FOXP1: variants seen among roughly 807,000 people sequenced by gnomAD.
FOXP1 encodes the protein forkhead box protein P1.
Under a neutral mutation model 98.2 loss-of-function variants are expected in FOXP1, and 15 were observed. That is an observed-to-expected ratio of 0.15 (90% CI 0.10 to 0.24). The LOEUF (loss-of-function observed/expected upper bound fraction) is 0.24. Ranked by LOEUF, FOXP1 falls within the 10% of genes least tolerant of loss-of-function variation. The probability of loss-of-function intolerance (pLI) is 1.00; values close to 1 mark genes in which losing one functional copy is unlikely to be tolerated. For synonymous variants in FOXP1, 371 were observed against 314.5 expected (o/e 1.18, Z -1.90); for missense variants, 633 against 848.5 (o/e 0.75, Z 3.15).
rs1386172427 is a variant in FOXP1, at chr3:71,145,460, TTGAA to T, written c.181-32827_181-32824del. 7.5e-4 allele frequency among the ~76,000 whole-genome samples: 114 copies of T among 152,246 alleles called. 1 individual carries two copies. Among genetic ancestry groups the T allele is most frequent in the African/African-American group, 2.6e-3 (108 of 41,538 alleles). On this transcript the variant is annotated intron_variant, in intron 6 of 20. Transcript: ENST00000649528. ...GCTGAGGCTGAGGCAGAAGAATCGC[TTGAA>T]CCGGAGGGCAGAGGTTGCAATGAGC...
intron 7 of FOXP1, among the ~76,000 whole-genome samples, chr3:71,073,932 A>T (rs1029903188): frequency 2.0e-5 from 3 of 152,210 alleles, no homozygotes; most frequent in Non-Finnish European, 4.4e-5. Flanking sequence ...TAAGATAACA[A>T]GGACCAGAGC....
intron 4 of FOXP1, among the ~76,000 whole-genome samples, chr3:71,328,829 G>A (rs950458496): frequency 3.3e-5 from 5 of 151,872 alleles, no homozygotes; most frequent in Non-Finnish European, 2.9e-5. Flanking sequence ...AAAATTAGCC[G>A]ACGTGGTGGT....
intron 14 of FOXP1, among the ~76,000 whole-genome samples, chr3:70,981,126 A>G (rs2038759306): frequency 6.7e-6 from 1 of 149,436 alleles, no homozygotes; most frequent in Admixed American, 6.7e-5. Context: ...AAATGTCATC[A>G]AAATGCCGAA....
At chr3:71,273,166 G>T (rs1337537307) in intron 5 of FOXP1, among the ~76,000 whole-genome samples, 1 of 152,186 alleles carries the variant, frequency 6.6e-6, no homozygotes, top group Non-Finnish European at 1.5e-5. Flanking sequence ...CCACTTAAGA[G>T]TGACCAGATT....
At chr3:71,355,967 C>T (rs1191280430) in intron 4 of FOXP1, among the ~76,000 whole-genome samples, 5 of 152,092 alleles carry the variant, frequency 3.3e-5, no homozygotes, top group Non-Finnish European at 7.4e-5. Flanking sequence ...GGACCTGTGG[C>T]AGCTTCTGTG....
intron 2 of FOXP1, among the ~76,000 whole-genome samples, chr3:71,510,230 T>A (rs1166026184): frequency 1.3e-5 from 2 of 152,006 alleles, no homozygotes; most frequent in Non-Finnish European, 2.9e-5. Flanking sequence ...AGCTCATTCC[T>A]GTAATCCCAG....
At chr3:71,033,261 G>T (rs1041901588) in intron 11 of FOXP1, among the ~76,000 whole-genome samples, 1 of 152,116 alleles carries the variant, frequency 6.6e-6, no homozygotes, top group Non-Finnish European at 1.5e-5. Context: ...ACCTTACAAG[G>T]TGAAAGAAAT....
intron 5 of FOXP1, among the ~76,000 whole-genome samples, chr3:71,248,349 G>A (rs573523615): frequency 1.9e-4 from 29 of 152,140 alleles, no homozygotes; most frequent in Non-Finnish European, 2.9e-5. Flanking sequence ...CATCAGCCAT[G>A]CTCTCTTCCT....
chr3:71,336,583 T>C (rs1359756419), intron 4 of FOXP1, among the ~76,000 whole-genome samples: 1 of 152,200 alleles, frequency 6.6e-6, no homozygotes, highest in Non-Finnish European at 1.5e-5. Context: ...GAATTCGACA[T>C]TTATCCTGTA....
intron 4 of FOXP1, among the ~76,000 whole-genome samples, chr3:71,327,406 T>C (rs1269647697): frequency 2.4e-4 from 2 of 8,444 alleles, no homozygotes; most frequent in Non-Finnish European, 1.3e-3. Context: ...TTTTTTTTTT[T>C]AGACGGAGTC....
chr3:71,233,693 C>CT (rs983830629), intron 5 of FOXP1, among the ~76,000 whole-genome samples: 5 of 151,524 alleles, frequency 3.3e-5, no homozygotes, highest in African/African-American at 4.8e-5. Flanking sequence ...CTCGCACCCC[C>CT]CCAGCTGGTG....
chr3:71,424,130 C>T lies in FOXP1; in HGVS notation c.-167-64886G>A, dbSNP rs146467145. Reference sequence around the variant, plus strand: ...TAATGCTAACATTTCTGCCAGAATGCCAACCTTTTTCAATAAGTAACAAAG... The same window carrying T: ...TAATGCTAACATTTCTGCCAGAATGTCAACCTTTTTCAATAAGTAACAAAG... On this transcript the variant is annotated intron_variant, in intron 3 of 20. Coordinates refer to ENST00000649528, the MANE Select transcript of FOXP1 (RefSeq NM_001349338.3). Among the ~76,000 whole-genome samples the T allele has an allele frequency of 8.5e-5, 13 of 152,182 alleles. No individual in the cohort carries two copies. In the East Asian group the frequency reaches 2.3e-3, roughly 27 times the overall value.
intron 6 of FOXP1, among the ~76,000 whole-genome samples, chr3:71,119,587 T>C (rs2058614168): frequency 6.6e-6 from 1 of 152,216 alleles, no homozygotes; most frequent in Non-Finnish European, 1.5e-5. Context: ...CTCTACATAC[T>C]CTTTGACTCC....
intron 5 of FOXP1, among the ~76,000 whole-genome samples, chr3:71,243,232 A>G (rs2067435513): frequency 2.0e-5 from 3 of 152,194 alleles, no homozygotes; most frequent in African/African-American, 7.2e-5. Flanking sequence ...TTCGACAAGC[A>G]TAATTAGCAG....
chr3:71,135,024 C>G (rs1044398434), intron 6 of FOXP1, among the ~76,000 whole-genome samples: 5 of 151,990 alleles, frequency 3.3e-5, no homozygotes, highest in African/African-American at 1.2e-4. Context: ...TTTGGGAGGC[C>G]GAGGTGGGCG....
rs541695508 is a variant in FOXP1 at position 71,449,955 on chromosome 3, G to A, written c.-168+43471C>T. On this transcript the variant is annotated intron_variant, in intron 3 of 20. Transcript: ENST00000649528. ...CTCAGAGAGGTGACTTCAGTCATAA[G>A]GCATGAAATTTCTTTCCCAACATGT... Among the ~76,000 whole-genome samples, 3 of 152,284 alleles carry A rather than the reference G, an allele frequency of 2.0e-5. No homozygotes were observed. In the South Asian group the frequency reaches 6.2e-4, roughly 32 times the overall value.
rs1404498108 is a variant in FOXP1, at chr3:71,193,480, A to G, written c.180+4722T>C. 8.8e-5 allele frequency among the ~76,000 whole-genome samples: 5 copies of G among 56,864 alleles called. 1 individual carries two copies. The highest frequency in any genetic ancestry group is 5.6e-4 in the Admixed American group (3 of 5,366). 37.3% of individuals were successfully genotyped at this position (56,864 alleles called of 152,430 possible). A position where few individuals can be genotyped will look rare whatever the true frequency, so the allele number is the denominator to read the frequency against. Reference sequence around the variant, plus strand: ...GTTTTTTTTTTTTAGACATATTCTCACTTTGTCGCCCAGGCTGGAGTGCAG... The same window carrying G: ...GTTTTTTTTTTTTAGACATATTCTCGCTTTGTCGCCCAGGCTGGAGTGCAG... On this transcript the variant is annotated intron_variant, in intron 6 of 20. Transcript: ENST00000649528.
At chr3:71,131,487 A>C (rs1054368707) in intron 6 of FOXP1, among the ~76,000 whole-genome samples, 5 of 152,134 alleles carry the variant, frequency 3.3e-5, no homozygotes, top group African/African-American at 1.2e-4. Context: ...CTGCCACAGA[A>C]GCTACTGATT....
In FOXP1 at chr3:71,515,389, A is replaced by G. The variant is rs918454777; in HGVS notation, c.-297-21834T>C. 2.0e-5 allele frequency among the ~76,000 whole-genome samples: 3 copies of G among 149,094 alleles called. No homozygotes were observed. The Admixed American group carries it at 2.0e-4, about 10-fold the overall frequency. On this transcript the variant is annotated intron_variant, in intron 2 of 20. Coordinates refer to ENST00000649528, the MANE Select transcript of FOXP1 (RefSeq NM_001349338.3). ...GTGATTAAATTTAAAAGAAACGTTC[A>G]ACTAAATGGTATACGCATTTCCCTT...
Sources: allele counts gnomAD v4.1 joint callset (sites outside exome capture counted in the v4.1 genomes callset), GRCh38; gene constraint gnomAD v4.1.1; transcripts MANE v1.5; gene names NCBI Gene and HGNC (gene_info 2026-07-23, HGNC 2026-07-21).